The following DIPK1C variants were observed in gnomAD, a reference collection of about 807,000 sequenced individuals.
DIPK1C encodes familial non-conventional Alzheimer's dementia.
DIPK1C carries 33 observed loss-of-function variants against 28.0 expected under a neutral mutation model. The ratio of observed to expected loss-of-function variants is 1.18; its 90% CI spans 0.89 to 1.58. DIPK1C has a LOEUF of 1.58. Ranked by LOEUF, DIPK1C falls within the 40% of genes most tolerant of loss-of-function variation. The pLI is 0.00. For synonymous variants in DIPK1C, 255 were observed against 248.8 expected (o/e 1.02, Z -0.23); for missense variants, 569 against 568.5 (o/e 1.00, Z -0.01).
chr18:74,446,770 G>A lies in DIPK1C; in HGVS notation c.712C>T (p.Leu238=), dbSNP rs1339807926. 2 of 1,515,982 alleles carry A rather than the reference G, an allele frequency of 1.3e-6. No individual in the cohort carries two copies. The highest frequency in any genetic ancestry group is 1.4e-5 in the African/African-American group (1 of 71,794). The allele number at this position is 1,515,982 out of a possible 1,614,324, so 93.9% of individuals were successfully genotyped here. ...GSPHHRALFP[L]DRAPGAPGGG... ...CCAGGGGCACCTGGGGCCCGGTCCA[G>A]GGGGAAGAGTGCCCTGTGGTGGGGG... is the stretch of plus-strand genomic sequence containing the variant. The change falls in exon 2 of 4, where the codon CTG becomes TTG. Residue 238 remains leucine (L), a synonymous_variant. Coordinates refer to ENST00000343998, the MANE Select transcript of DIPK1C (RefSeq NM_001044369.3).
intron 2 of DIPK1C, among the ~76,000 whole-genome samples, chr18:74,446,225 G>C (rs2019247): frequency 0.84 from 127,310 of 152,234 alleles, 56,189 homozygotes; most frequent in Non-Finnish European, 0.99. Context: ...CCTCCCTCAT[G>C]GTCTTCTGCA....
intron 3 of DIPK1C, among the ~76,000 whole-genome samples, chr18:74,439,708 T>C (rs181960746): frequency 5.6e-4 from 86 of 152,242 alleles, no homozygotes; most frequent in African/African-American, 2.0e-3. Context: ...TAGTCCCATT[T>C]ATTTGGGAGG....
At chr18:74,457,319 G>T (rs1457710699), upstream of DIPK1C, 28 of 969,668 alleles carry the variant, frequency 2.9e-5, no homozygotes, top group African/African-American at 3.7e-4. Flanking sequence ...CCGCACTCGC[G>T]TAGCTGCTCC....
At chr18:74,462,050 T>C (rs1248121035), upstream of DIPK1C, among the ~76,000 whole-genome samples, 2 of 152,248 alleles carry the variant, frequency 1.3e-5, no homozygotes, top group Non-Finnish European at 2.9e-5. Flanking sequence ...GCATGAGCCA[T>C]GGTGCCTGAC....
At chr18:74,461,046 G>A (rs935468637), upstream of DIPK1C, among the ~76,000 whole-genome samples, 18 of 152,352 alleles carry the variant, frequency 1.2e-4, no homozygotes, top group South Asian at 4.1e-4. Flanking sequence ...CCAGGGCCAC[G>A]GGTGAGGTCT....
At chr18:74,461,239 G>T (rs542253131), upstream of DIPK1C, among the ~76,000 whole-genome samples, 20 of 152,274 alleles carry the variant, frequency 1.3e-4, no homozygotes, top group African/African-American at 4.8e-4. Flanking sequence ...CAGGACAACA[G>T]CTCTTGCCCC....
intron 1 of DIPK1C, among the ~76,000 whole-genome samples, chr18:74,452,404 A>T (rs201728169): frequency 1.3e-4 from 18 of 136,926 alleles, no homozygotes; most frequent in African/African-American, 4.2e-4. Context: ...CCAGCCTTTT[A>T]AAAAAAAACA....
upstream of DIPK1C, among the ~76,000 whole-genome samples, chr18:74,460,765 G>C (rs561515352): frequency 2.4e-4 from 37 of 152,220 alleles, no homozygotes; most frequent in Non-Finnish European, 4.6e-4. Flanking sequence ...AGCTTAACTT[G>C]ATAGGAGTTC....
upstream of DIPK1C, among the ~76,000 whole-genome samples, chr18:74,458,732 G>A (rs1361666630): frequency 1.3e-5 from 2 of 150,072 alleles, no homozygotes; most frequent in African/African-American, 4.9e-5. Context: ...CGCCCAACCA[G>A]AAGTACCATA....
At chr18:74,452,814 A>G (rs1164740623) in intron 1 of DIPK1C, among the ~76,000 whole-genome samples, 1 of 152,034 alleles carries the variant, frequency 6.6e-6, no homozygotes, top group Non-Finnish European at 1.5e-5. Flanking sequence ...TTTTTAACTC[A>G]ATAGAAGTTG....
At position 74,441,934 on chromosome 18, in the gene DIPK1C, C is replaced by T. The variant is rs753789276; in HGVS notation, c.1041+18G>A. The T allele has an allele frequency of 1.2e-6, 2 of 1,609,194 alleles. No individual in the cohort carries two copies. Among genetic ancestry groups the T allele is most frequent in the South Asian group, 1.1e-5 (1 of 90,640 alleles). On this transcript the variant is annotated intron_variant, in intron 3 of 3. Coordinates refer to ENST00000343998, the MANE Select transcript of DIPK1C (RefSeq NM_001044369.3). ...AAAGAGCACCCTCTCCTCCCCCAGC[C>T]CTGGCGGACTCTCATACCTGCAGGT... is the stretch of plus-strand genomic sequence containing the variant.
At chr18:74,451,378 CA>C (rs1986394592) in intron 1 of DIPK1C, among the ~76,000 whole-genome samples, 1 of 152,174 alleles carries the variant, frequency 6.6e-6, no homozygotes, top group Admixed American at 6.5e-5. Context: ...AAGCCAGTCC[CA>C]CCCCTAAGTG....
intron 3 of DIPK1C, among the ~76,000 whole-genome samples, chr18:74,437,438 C>T (rs571236734): frequency 6.6e-6 from 1 of 152,256 alleles, no homozygotes; most frequent in East Asian, 1.9e-4. Flanking sequence ...TCCCTGTAAA[C>T]ATGTTGTTTG....
chr18:74,462,486 T>G (rs957525900), upstream of DIPK1C, among the ~76,000 whole-genome samples: 4 of 152,228 alleles, frequency 2.6e-5, no homozygotes, highest in Non-Finnish European at 5.9e-5. Flanking sequence ...CGCTCTTCAG[T>G]TGAAGGACAT....
the DIPK1C span, among the ~76,000 whole-genome samples, chr18:74,463,593 C>A: frequency 6.6e-6 from 1 of 152,030 alleles, no homozygotes; most frequent in Non-Finnish European, 1.5e-5. Context: ...CTCACCCCCA[C>A]GTACCCGGCA....
chr18:74,440,500 G>T (rs1986098372), intron 3 of DIPK1C, among the ~76,000 whole-genome samples: 1 of 152,180 alleles, frequency 6.6e-6, no homozygotes, highest in South Asian at 2.1e-4. Context: ...AGCATTTAAA[G>T]AACTATTCCC....
rs1170691043 is a variant in DIPK1C, at chr18:74,435,769, T to C, written c.*732A>G. 6.6e-6 allele frequency: 1 copy of C among 152,276 alleles called. No individual in the cohort carries two copies. Among genetic ancestry groups the C allele is most frequent in the South Asian group, 2.1e-4 (1 of 4,830 alleles). The allele number at this position is 152,276 out of a possible 1,614,324, so 9.4% of individuals were successfully genotyped here. A position where few individuals can be genotyped will look rare whatever the true frequency, so the allele number is the denominator to read the frequency against. Reference sequence around the variant, plus strand: ...TTTATTGTATTTAATTCCGAAAGAATGGTCACACTTCTTTGCTAGGTAGGC... The same window carrying C: ...TTTATTGTATTTAATTCCGAAAGAACGGTCACACTTCTTTGCTAGGTAGGC... On this transcript the variant is annotated 3_prime_UTR_variant, in exon 4 of 4. Coordinates refer to ENST00000343998, the MANE Select transcript of DIPK1C (RefSeq NM_001044369.3).
chr18:74,452,232 A>G (rs551161679), intron 1 of DIPK1C, among the ~76,000 whole-genome samples: 2 of 152,282 alleles, frequency 1.3e-5, no homozygotes, highest in South Asian at 4.1e-4. Context: ...TATGGCACAG[A>G]TATTCCTTGA....
chr18:74,446,679 T>A lies in DIPK1C; in HGVS notation c.803A>T (p.Asp268Val). The A allele has an allele frequency of 6.5e-7, 1 of 1,527,274 alleles. No individual in the cohort carries two copies. The highest frequency in any genetic ancestry group is 8.8e-7 in the Non-Finnish European group (1 of 1,135,644). 94.6% of individuals were successfully genotyped at this position (1,527,274 alleles called of 1,614,324 possible). ...GTGGAGGCGGTGGGAAAAGTCACTGTCAAAATGGTTCACCATGTCCAAGAA... is the reference window on the plus strand; with the variant it reads ...GTGGAGGCGGTGGGAAAAGTCACTGACAAAATGGTTCACCATGTCCAAGAA... ...LSFLDMVNHF[D>V]SDFSHRLHLC... The change falls in exon 2 of 4, where the codon GAC (aspartate) becomes GTC (valine). Residue 268 changes from aspartate (D) to valine (V), a missense_variant. By Grantham distance (152) the Asp-to-Val change is radical. Coordinates refer to ENST00000343998, the MANE Select transcript of DIPK1C (RefSeq NM_001044369.3).
Sources: gnomAD v4.1 joint callset for allele counts (sites outside exome capture counted in the v4.1 genomes callset) on GRCh38, gnomAD v4.1.1 for gene constraint, MANE v1.5 for transcripts, NCBI Gene and HGNC (gene_info 2026-07-23, HGNC 2026-07-21) for gene names.